The following THSD7B variants were observed in gnomAD, a reference collection of about 807,000 sequenced individuals.
THSD7B encodes the protein thrombospondin type-1 domain-containing protein 7B.
In THSD7B, 138 loss-of-function variants were observed where a neutral mutation model predicts 213.6. The ratio of observed to expected loss-of-function variants is 0.65; its 90% CI spans 0.56 to 0.74. The LOEUF (loss-of-function observed/expected upper bound fraction) is 0.74. Ranked by LOEUF, THSD7B falls within the 30% of genes least tolerant of loss-of-function variation. The pLI is 0.00. For missense variants in THSD7B, 1,931 were observed against 1,991.5 expected (o/e 0.97, Z 0.58); for synonymous variants, 742 against 687.0 (o/e 1.08, Z -1.25).
intron 12 of THSD7B, among the ~76,000 whole-genome samples, chr2:137,361,913 C>T (rs62165723): frequency 0.021 from 3,126 of 152,134 alleles, 53 homozygotes; most frequent in Middle Eastern, 0.037. Context: ...AGAAGAGCAA[C>T]CCCAAAACAC....
intron 2 of THSD7B, among the ~76,000 whole-genome samples, chr2:136,903,020 G>C (rs868104440): frequency 1.3e-5 from 2 of 152,214 alleles, no homozygotes; most frequent in South Asian, 2.1e-4. Context: ...GTGTGGCCCA[G>C]TTGTGCCTCC....
chr2:137,131,916 G>T (rs996560444), intron 5 of THSD7B, among the ~76,000 whole-genome samples: 1 of 151,852 alleles, frequency 6.6e-6, no homozygotes, highest in Non-Finnish European at 1.5e-5. Context: ...ATTCTGTGAA[G>T]AAAGTCATTA....
chr2:136,870,943 A>G (rs1197423639), intron 1 of THSD7B, among the ~76,000 whole-genome samples: 1 of 152,196 alleles, frequency 6.6e-6, no homozygotes, highest in African/African-American at 2.4e-5. Context: ...GCCAGGCAGG[A>G]GGCTGTTAGC....
intron 15 of THSD7B, among the ~76,000 whole-genome samples, chr2:137,539,279 A>T (rs1332503670): frequency 2.7e-5 from 4 of 150,872 alleles, no homozygotes; most frequent in Non-Finnish European, 5.9e-5. Flanking sequence ...GGATAATTCA[A>T]ATTTTTTTTT....
chr2:136,978,065 C>T (rs1295996287), intron 2 of THSD7B, among the ~76,000 whole-genome samples: 1 of 152,172 alleles, frequency 6.6e-6, no homozygotes, highest in Non-Finnish European at 1.5e-5. Flanking sequence ...TCCCAAAGTG[C>T]TGGGATTACA....
chr2:137,392,147 G>T (rs1204675584), intron 12 of THSD7B, among the ~76,000 whole-genome samples: 1 of 152,116 alleles, frequency 6.6e-6, no homozygotes. Flanking sequence ...ATTTGTTGAG[G>T]CTTGTTTTCA....
intron 12 of THSD7B, among the ~76,000 whole-genome samples, chr2:137,378,488 T>C (rs1685709699): frequency 6.6e-6 from 1 of 152,208 alleles, no homozygotes; most frequent in South Asian, 2.1e-4. Flanking sequence ...TTTGTACTTA[T>C]ATATTTATTT....
intron 1 of THSD7B, among the ~76,000 whole-genome samples, chr2:136,796,896 G>T (rs1269376176): frequency 6.6e-6 from 1 of 151,008 alleles, no homozygotes; most frequent in Non-Finnish European, 1.5e-5. Context: ...GGACATATAT[G>T]AAGAAGCCAT....
chr2:137,273,899 T>C (rs955294905), intron 11 of THSD7B, among the ~76,000 whole-genome samples: 7 of 152,066 alleles, frequency 4.6e-5, no homozygotes, highest in South Asian at 2.1e-4. Context: ...TGAAAAAAAT[T>C]AGCCAAATCA....
At chr2:137,059,842 G>A (rs1687238480) in intron 3 of THSD7B, among the ~76,000 whole-genome samples, 1 of 152,124 alleles carries the variant, frequency 6.6e-6, no homozygotes, top group South Asian at 2.1e-4. Flanking sequence ...AAGTTTATGT[G>A]TGTAATTTTT....
At chr2:137,553,794 C>T (rs1338780642) in intron 15 of THSD7B, among the ~76,000 whole-genome samples, 9 of 152,188 alleles carry the variant, frequency 5.9e-5, no homozygotes, top group Admixed American at 6.5e-5. Context: ...TGCAGCAACA[C>T]ATTTCCATTA....
intron 1 of THSD7B, among the ~76,000 whole-genome samples, chr2:136,771,580 G>T (rs1288009486): frequency 6.6e-6 from 1 of 152,106 alleles, no homozygotes; most frequent in Non-Finnish European, 1.5e-5. Context: ...TGTGGTCCCA[G>T]TTATCCAAAT....
chr2:137,174,322 T>G (rs745339604), intron 7 of THSD7B, among the ~76,000 whole-genome samples: 14 of 152,182 alleles, frequency 9.2e-5, no homozygotes, highest in Non-Finnish European at 1.3e-4. Context: ...CTCGACAGTG[T>G]CTTGTTGGGT....
chr2:137,103,629 C>G (rs1688189460), intron 4 of THSD7B, among the ~76,000 whole-genome samples: 1 of 151,638 alleles, frequency 6.6e-6, no homozygotes. Context: ...GTGTTGTATT[C>G]AGGAGACCCA....
chr2:137,287,872 A>G (rs926009688), intron 12 of THSD7B, among the ~76,000 whole-genome samples: 3 of 152,142 alleles, frequency 2.0e-5, no homozygotes, highest in African/African-American at 4.8e-5. Context: ...TCAGTCACAG[A>G]ACTATCTTCC....
intron 1 of THSD7B, among the ~76,000 whole-genome samples, chr2:136,878,920 A>G (rs993791673): frequency 3.9e-5 from 6 of 152,112 alleles, no homozygotes; most frequent in African/African-American, 7.2e-5. Context: ...CTTTAGTTTA[A>G]TTAGATCCCA....
intron 15 of THSD7B, among the ~76,000 whole-genome samples, chr2:137,502,478 T>C (rs953666076): frequency 6.6e-6 from 1 of 152,088 alleles, no homozygotes; most frequent in African/African-American, 2.4e-5. Flanking sequence ...GTACATTGAT[T>C]CCATTAATAA....
chr2:137,546,417 ATATATATTAT>A lies in THSD7B; in HGVS notation c.3139-16803_3139-16794del, dbSNP rs1358980698. ...ATATTATATATATTATATATATATT[ATATATATTAT>A]ATATATATTATATATATTATATATA... is the stretch of plus-strand genomic sequence containing the variant. On this transcript the variant is annotated intron_variant, in intron 15 of 27. Coordinates refer to ENST00000409968, the MANE Select transcript of THSD7B (RefSeq NM_001316349.2). Among the ~76,000 whole-genome samples the A allele has an allele frequency of 7.0e-4, 21 of 29,838 alleles. 5 individuals carry two copies. Among genetic ancestry groups the A allele is most frequent in the African/African-American group, 3.4e-3 (15 of 4,462 alleles). 19.6% of individuals were successfully genotyped at this position (29,838 alleles called of 152,430 possible). A position where few individuals can be genotyped will look rare whatever the true frequency, so the allele number is the denominator to read the frequency against.
Position 137,676,648 on chromosome 2 carries a change from G to T in THSD7B, c.*43G>T, listed in dbSNP as rs763765478. On this transcript the variant is annotated 3_prime_UTR_variant, in exon 28 of 28. Coordinates refer to ENST00000409968, the MANE Select transcript of THSD7B (RefSeq NM_001316349.2). ...AATGTAGACATCAACTGCCTTAACC[G>T]CTTTCTCTTTTGTAGCTCTCAGACT... The T allele has an allele frequency of 6.7e-7, 1 of 1,491,834 alleles. No homozygotes were observed. Among genetic ancestry groups the T allele is most frequent in the African/African-American group, 1.4e-5 (1 of 69,882 alleles). The allele number at this position is 1,491,834 out of a possible 1,614,324, so 92.4% of individuals were successfully genotyped here. A position where few individuals can be genotyped will look rare whatever the true frequency, so the allele number is the denominator to read the frequency against.
Sources: allele counts gnomAD v4.1 joint callset (sites outside exome capture counted in the v4.1 genomes callset), GRCh38; gene constraint gnomAD v4.1.1; transcripts MANE v1.5; gene names NCBI Gene and HGNC (gene_info 2026-07-23, HGNC 2026-07-21).